The following TTC39B variants were observed in gnomAD, a reference collection of about 807,000 sequenced individuals.
The protein encoded by TTC39B is tetratricopeptide repeat protein 39B.
A neutral mutation model predicts 96.6 loss-of-function variants in TTC39B; 92 were observed. The observed-to-expected ratio is 0.95, with a 90% CI of 0.80 to 1.13. The LOEUF (loss-of-function observed/expected upper bound fraction) is 1.13. TTC39B is among the 50% of genes most tolerant of loss of function. TTC39B has a pLI of 0.00. For synonymous variants in TTC39B, 367 were observed against 299.4 expected, an observed-to-expected ratio of 1.23 and a Z score of -2.33; for missense variants, 955 against 809.3, an observed-to-expected ratio of 1.18 and a Z score of -2.18.
intron 18 of TTC39B, among the ~76,000 whole-genome samples, chr9:15,175,568 A>T (rs955992139): frequency 2.0e-5 from 3 of 152,232 alleles, no homozygotes; most frequent in Non-Finnish European, 2.9e-5. Context: ...GAAATGGTCA[A>T]CACTTCTGTT....
chr9:15,199,764 A>AAAAAAAAAAAC (rs1229538735), intron 8 of TTC39B, 97 bp downstream of exon 8: 1 of 411,754 alleles, frequency 2.4e-6, no homozygotes, highest in Non-Finnish European at 4.5e-6. Flanking sequence ...AAAAAAAAAA[A>AAAAAAAAAAAC]AAAATCCTAG....
chr9:15,207,522 G>T (rs958513438), intron 6 of TTC39B, among the ~76,000 whole-genome samples: 1 of 152,148 alleles, frequency 6.6e-6, no homozygotes, highest in Non-Finnish European at 1.5e-5. Context: ...AAGAGTTGTG[G>T]CTTAGGGAAA....
At chr9:15,225,926 G>T in exon 3 of TTC39B, 1 of 1,613,712 alleles carries the variant, frequency 6.2e-7, no homozygotes, top group East Asian at 2.2e-5. Flanking sequence ...CCTGCTGACA[G>T]TAGACGCTCC....
intron 18 of TTC39B, among the ~76,000 whole-genome samples, chr9:15,176,556 C>G (rs961174966): frequency 3.3e-5 from 5 of 152,134 alleles, no homozygotes; most frequent in African/African-American, 1.2e-4. Context: ...TGTCCACCAG[C>G]AGTCTATAGC....
At chr9:15,174,968 T>C in intron 19 of TTC39B, 51 bp downstream of exon 19, 3 of 1,152,126 alleles carry the variant, frequency 2.6e-6, no homozygotes, top group Admixed American at 1.7e-5. Flanking sequence ...AGAGCAGTAC[T>C]GACATTTCTG....
At chr9:15,287,931 G>A (rs1484570901) in intron 1 of TTC39B, among the ~76,000 whole-genome samples, 11 of 136,882 alleles carry the variant, frequency 8.0e-5, no homozygotes, top group African/African-American at 2.0e-4. Context: ...GGGCGACAGG[G>A]CGAGACTCCA....
At position 15,214,154 on chromosome 9, in the gene TTC39B, T is replaced by C. The variant is rs374843028; in HGVS notation, c.467A>G (p.Glu156Gly). The C allele has an allele frequency of 3.1e-6, 5 of 1,613,658 alleles. No homozygotes were observed. In the African/African-American group the frequency reaches 6.7e-5, roughly 22 times the overall value. ...AGTAAATTACCAGGGGCGAAGCAATTCTAAGGCGTCTGTAAATTTGTTGCT... is the reference window on the plus strand; with the variant it reads ...AGTAAATTACCAGGGGCGAAGCAATCCTAAGGCGTCTGTAAATTTGTTGCT... The change falls in exon 4 of 20, where the codon GAA (glutamate) becomes GGA (glycine). Residue 156 changes from glutamate (E) to glycine (G), a missense_variant. Coordinates refer to ENST00000512701, the Ensembl canonical transcript of TTC39B.
intron 8 of TTC39B, 133 bp from the exon 9 acceptor site, chr9:15,192,828 T>C (rs1387986046): frequency 3.2e-6 from 2 of 630,112 alleles, no homozygotes; most frequent in Non-Finnish European, 5.4e-6. Context: ...TAAAGGATGA[T>C]GCTGTGCTGA....
At chr9:15,182,705 G>A (rs982451399) in intron 16 of TTC39B, among the ~76,000 whole-genome samples, 53 of 151,974 alleles carry the variant, frequency 3.5e-4, no homozygotes, top group African/African-American at 1.3e-3. Context: ...ATTTTAAACC[G>A]ATACTATGAA....
intron 2 of TTC39B, among the ~76,000 whole-genome samples, chr9:15,267,523 T>C (rs1020003256): frequency 2.0e-5 from 3 of 152,226 alleles, no homozygotes; most frequent in African/African-American, 7.2e-5. Context: ...TGATCTAATA[T>C]GATTTAGCAA....
At chr9:15,182,620 T>C (rs537697734) in intron 16 of TTC39B, among the ~76,000 whole-genome samples, 1 of 152,370 alleles carries the variant, frequency 6.6e-6, no homozygotes, top group Admixed American at 6.5e-5. Context: ...CTCATTCATA[T>C]AACAAATATT....
At chr9:15,193,200 G>C (rs1395628053) in intron 8 of TTC39B, among the ~76,000 whole-genome samples, 1 of 152,212 alleles carries the variant, frequency 6.6e-6, no homozygotes, top group Non-Finnish European at 1.5e-5. Flanking sequence ...CCATCACAAT[G>C]GCCCCATCTG....
At chr9:15,307,113 C>T (rs1587049741) in exon 1 of TTC39B, 2 of 1,610,642 alleles carry the variant, frequency 1.2e-6, no homozygotes, top group South Asian at 1.1e-5. Context: ...GCTCGGCTGC[C>T]TAAGAGCGCC....
intron 1 of TTC39B, among the ~76,000 whole-genome samples, chr9:15,289,160 G>C (rs1286713228): frequency 6.6e-6 from 1 of 152,162 alleles, no homozygotes; most frequent in Non-Finnish European, 1.5e-5. Context: ...CCTGGCTTCA[G>C]CCAGTCCTCC....
intron 2 of TTC39B, among the ~76,000 whole-genome samples, chr9:15,240,798 C>A (rs571890872): frequency 3.3e-5 from 5 of 152,238 alleles, no homozygotes; most frequent in African/African-American, 9.6e-5. Context: ...GTCTTCCAAC[C>A]TTTCACTACT....
chr9:15,270,933 T>C (rs993716983), intron 1 of TTC39B, among the ~76,000 whole-genome samples: 1 of 152,188 alleles, frequency 6.6e-6, no homozygotes, highest in East Asian at 1.9e-4. Flanking sequence ...TGAGTACCTA[T>C]CATGTGCCAG....
In TTC39B at chr9:15,188,104, G is replaced by C. The variant is rs895435267; in HGVS notation, c.1262C>G (p.Ser421Ter). 1 of 1,607,296 alleles carries C rather than the reference G, an allele frequency of 6.2e-7. No homozygotes were observed. Among genetic ancestry groups the C allele is most frequent in the African/African-American group, 1.3e-5 (1 of 74,604 alleles). Residue 421 changes from serine (S) to a stop codon, truncating the protein, a stop_gained, in exon 14 of 20, where the codon TCA becomes TGA. Coordinates refer to ENST00000512701, the Ensembl canonical transcript of TTC39B. LOFTEE classifies it high-confidence loss of function. Reference sequence around the variant, plus strand: ...AAACTGTTTCCATTCTTCTTGAACTGAAATGCATTTTTGAAATACTTCTTG... The same window carrying C: ...AAACTGTTTCCATTCTTCTTGAACTCAAATGCATTTTTGAAATACTTCTTG...
At chr9:15,288,047 A>G (rs10810369) in intron 1 of TTC39B, among the ~76,000 whole-genome samples, 119,753 of 151,814 alleles carry the variant, frequency 0.79, 47,633 homozygotes, top group East Asian at 0.98. Context: ...AATTAAGCTT[A>G]TGGAACCCGA....
At chr9:15,228,201 T>G (rs1450583575) in intron 2 of TTC39B, among the ~76,000 whole-genome samples, 2 of 152,146 alleles carry the variant, frequency 1.3e-5, no homozygotes, top group Non-Finnish European at 2.9e-5. Flanking sequence ...CGCTGGCTCA[T>G]GCCTGTAATC....
Sources: gnomAD v4.1 joint callset for allele counts (sites outside exome capture counted in the v4.1 genomes callset) on GRCh38, gnomAD v4.1.1 for gene constraint, MANE v1.5 for transcripts, NCBI Gene and HGNC (gene_info 2026-07-23, HGNC 2026-07-21) for gene names.